Variants in DCT observed in about 807,000 individuals in gnomAD.
The protein encoded by DCT is L-dopachrome tautomerase.
Under a neutral mutation model 53.0 loss-of-function variants are expected in DCT, and 47 were observed. The observed-to-expected ratio is 0.89, with a 90% CI of 0.70 to 1.13. The LOEUF is 1.13. Ranked by LOEUF, DCT falls within the 50% of genes most tolerant of loss-of-function variation. The probability of loss-of-function intolerance (pLI) is 0.00; values close to 1 mark genes in which losing one functional copy is unlikely to be tolerated. For synonymous variants in DCT, 244 were observed against 237.0 expected, an observed-to-expected ratio of 1.03 and a Z score of -0.27; for missense variants, 669 against 637.4, an observed-to-expected ratio of 1.05 and a Z score of -0.53.
chr13:94,530,608 C>T, the DCT span, among the ~76,000 whole-genome samples: 1 of 152,176 alleles, frequency 6.6e-6, no homozygotes, highest in South Asian at 2.1e-4. Context: ...GCTAAAAACT[C>T]TCAGTAAACT....
chr13:94,457,341 T>C (rs933581217), intron 6 of DCT, among the ~76,000 whole-genome samples: 2 of 152,138 alleles, frequency 1.3e-5, no homozygotes, highest in African/African-American at 4.8e-5. Flanking sequence ...AGTGTTATCA[T>C]AAAAGGAGGC....
At chr13:94,525,149 A>G in the DCT span, among the ~76,000 whole-genome samples, 61,219 of 151,762 alleles carry the variant, frequency 0.4, 13,078 homozygotes, top group East Asian at 0.61. Flanking sequence ...TGCCCAAGCT[A>G]GAGTGCAATG....
intron 7 of DCT, among the ~76,000 whole-genome samples, chr13:94,440,887 G>A (rs950833076): frequency 6.6e-6 from 1 of 151,834 alleles, no homozygotes; most frequent in African/African-American, 2.4e-5. Context: ...CGCCATGTTG[G>A]CCAGGCTGGT....
upstream of DCT, among the ~76,000 whole-genome samples, chr13:94,482,135 C>T (rs890831987): frequency 6.6e-6 from 1 of 152,200 alleles, no homozygotes; most frequent in Non-Finnish European, 1.5e-5. Context: ...GTGAGGTTGC[C>T]AAACGTGCAT....
At chr13:94,451,899 G>A (rs1468262118) in intron 6 of DCT, among the ~76,000 whole-genome samples, 2 of 151,216 alleles carry the variant, frequency 1.3e-5, no homozygotes, top group African/African-American at 4.9e-5. Context: ...CCCTAATTCT[G>A]ACTTTTTTGA....
the DCT span, among the ~76,000 whole-genome samples, chr13:94,504,259 G>A: frequency 1.8e-4 from 27 of 152,334 alleles, no homozygotes; most frequent in East Asian, 5.2e-3. Flanking sequence ...CTGCTTCTGT[G>A]TACTGCAGGT....
chr13:94,513,675 G>A, the DCT span, among the ~76,000 whole-genome samples: 73,789 of 151,700 alleles, frequency 0.49, 20,178 homozygotes, highest in African/African-American at 0.74. Context: ...GAGTTAGGCT[G>A]GGAGATGGCC....
the DCT span, among the ~76,000 whole-genome samples, chr13:94,506,710 T>C: frequency 6.6e-6 from 1 of 152,198 alleles, no homozygotes; most frequent in Non-Finnish European, 1.5e-5. Flanking sequence ...TATCTTCTTA[T>C]AAGATATTTA....
the DCT span, among the ~76,000 whole-genome samples, chr13:94,545,966 T>C: frequency 1.3e-5 from 2 of 151,948 alleles, no homozygotes; most frequent in African/African-American, 4.8e-5. Context: ...TGAGCCCCCT[T>C]CTAGACCAGG....
chr13:94,479,075 A>T lies in DCT; in HGVS notation c.181T>A (p.Cys61Ser). 2 of 1,614,254 alleles carry T rather than the reference A, an allele frequency of 1.2e-6. No individual in the cohort carries two copies. The part of the protein sequence containing the change: ...VCGSQQGRGQ[C>S]TEVRADTRPW... ...CTTGTGTCGGCTCGCACCTCTGTGC[A>T]CTGCCCCCGGCCTTGCTGAGAGCCA... is the stretch of plus-strand genomic sequence containing the variant. The change falls in exon 1 of 8, where the codon TGC (cysteine) becomes AGC (serine). Residue 61 changes from cysteine to serine, a missense_variant. Transcript: ENST00000377028.
At chr13:94,542,221 C>T in the DCT span, among the ~76,000 whole-genome samples, 3 of 152,214 alleles carry the variant, frequency 2.0e-5, no homozygotes, top group African/African-American at 4.8e-5. Context: ...CAGGGTCTCA[C>T]TCTGTTGCCC....
the DCT span, among the ~76,000 whole-genome samples, chr13:94,498,113 T>C: frequency 6.6e-6 from 1 of 152,138 alleles, no homozygotes; most frequent in African/African-American, 2.4e-5. Context: ...AAGGGAACAA[T>C]CTTGGATGAG....
chr13:94,447,383 A>G (rs1882801720), intron 6 of DCT, among the ~76,000 whole-genome samples: 1 of 152,208 alleles, frequency 6.6e-6, no homozygotes, highest in Non-Finnish European at 1.5e-5. Flanking sequence ...GCAGTTCATG[A>G]TAGGGTTTGC....
chr13:94,454,493 G>C (rs560293433), intron 6 of DCT, among the ~76,000 whole-genome samples: 1 of 151,886 alleles, frequency 6.6e-6, no homozygotes, highest in African/African-American at 2.4e-5. Context: ...GCATTTCTCT[G>C]GCCTAATCTT....
Position 94,466,547 on chromosome 13 carries a change from T to C in DCT, c.696+11A>G. On this transcript the variant is annotated intron_variant, in intron 3 of 7. Transcript: ENST00000377028. ...AAAATTAAAAGAACTAAATGCATAG[T>C]TTTGACCTACCTGGAGATCTCTTTC... The C allele has an allele frequency of 6.3e-7, 1 of 1,576,552 alleles. No individual in the cohort carries two copies. Among genetic ancestry groups the C allele is most frequent in the Non-Finnish European group, 8.6e-7 (1 of 1,158,960 alleles).
intron 4 of DCT, among the ~76,000 whole-genome samples, chr13:94,462,841 C>T (rs545928611): frequency 6.6e-6 from 1 of 152,190 alleles, no homozygotes; most frequent in African/African-American, 2.4e-5. Flanking sequence ...TAGGGTGGTT[C>T]GTATTATGCT....
chr13:94,461,917 C>A, intron 5 of DCT, 93 bp downstream of exon 5: 1 of 1,106,652 alleles, frequency 9.0e-7, no homozygotes, highest in South Asian at 1.6e-5. Flanking sequence ...CGTAGACAAC[C>A]CCCAAAACCT....
chr13:94,537,973 C>G, the DCT span, among the ~76,000 whole-genome samples: 9 of 152,186 alleles, frequency 5.9e-5, no homozygotes, highest in Non-Finnish European at 1.2e-4. Flanking sequence ...ATGCATTGAG[C>G]ACCTACTATG....
the DCT span, among the ~76,000 whole-genome samples, chr13:94,501,724 G>A: frequency 2.0e-5 from 3 of 151,940 alleles, no homozygotes; most frequent in Non-Finnish European, 2.9e-5. Context: ...CCAAACCTGC[G>A]AGAGTGAGGG....
Sources: gnomAD v4.1 joint callset for allele counts (sites outside exome capture counted in the v4.1 genomes callset) on GRCh38, gnomAD v4.1.1 for gene constraint, MANE v1.5 for transcripts, NCBI Gene and HGNC (gene_info 2026-07-23, HGNC 2026-07-21) for gene names.